The following R3HDM1 variants were observed in gnomAD, a reference collection of about 807,000 sequenced individuals.
The protein encoded by R3HDM1 is R3H domain-containing protein 1.
A neutral mutation model predicts 141.1 loss-of-function variants in R3HDM1; 46 were observed. That is an observed-to-expected ratio of 0.33 (90% confidence interval 0.26 to 0.42). The LOEUF is 0.42. Among genes scored for constraint, R3HDM1 ranks in the 10% least tolerant of loss-of-function variants. The pLI is 1.00. For missense variants in R3HDM1, 1,184 were observed against 1,368.3 expected, an observed-to-expected ratio of 0.87 and a Z score of 2.12; for synonymous variants, 435 against 472.9, an observed-to-expected ratio of 0.92 and a Z score of 1.04.
At chr2:135,656,845 G>A (rs1458589466) in intron 18 of R3HDM1, among the ~76,000 whole-genome samples, 3 of 152,146 alleles carry the variant, frequency 2.0e-5, no homozygotes, top group African/African-American at 7.2e-5. Flanking sequence ...TGTAATCCCA[G>A]CACTTTGGGA....
chr2:135,617,138 A>G (rs1156296490), intron 5 of R3HDM1, among the ~76,000 whole-genome samples: 1 of 152,144 alleles, frequency 6.6e-6, no homozygotes, highest in Admixed American at 6.5e-5. Flanking sequence ...CCTGGCTAAC[A>G]CGGTGAAACC....
chr2:135,584,718 T>C (rs992357221), intron 1 of R3HDM1, among the ~76,000 whole-genome samples: 2 of 152,226 alleles, frequency 1.3e-5, no homozygotes, highest in Non-Finnish European at 2.9e-5. Context: ...TAATTCACAA[T>C]TACTTGAGTT....
chr2:135,598,386 C>T (rs1370985176), intron 1 of R3HDM1, among the ~76,000 whole-genome samples: 1 of 152,124 alleles, frequency 6.6e-6, no homozygotes, highest in East Asian at 1.9e-4. Flanking sequence ...ATACATAGCT[C>T]CTCTTCATGT....
chr2:135,558,859 A>T (rs1396247454), intron 1 of R3HDM1, among the ~76,000 whole-genome samples: 1 of 152,166 alleles, frequency 6.6e-6, no homozygotes, highest in Non-Finnish European at 1.5e-5. Context: ...AGGTGGTTAA[A>T]TGTGTTTTTA....
At chr2:135,626,387 A>G (rs1458928118) in intron 7 of R3HDM1, among the ~76,000 whole-genome samples, 1 of 152,220 alleles carries the variant, frequency 6.6e-6, no homozygotes, top group Non-Finnish European at 1.5e-5. Flanking sequence ...TGTTAGATTC[A>G]GAAGTTAGAA....
intron 21 of R3HDM1, among the ~76,000 whole-genome samples, chr2:135,697,890 C>T (rs1451429707): frequency 6.6e-6 from 1 of 151,616 alleles, no homozygotes; most frequent in African/African-American, 2.4e-5. Context: ...CCCATCTCTA[C>T]CAAAAACAAA....
chr2:135,683,553 C>G lies in R3HDM1; in HGVS notation c.2459+3229C>G, dbSNP rs1417665756. On this transcript the variant is annotated intron_variant, in intron 21 of 26. Coordinates refer to ENST00000683871, the MANE Select transcript of R3HDM1 (RefSeq NM_001378107.1). ...TGGGCAGCAGAGTAAGAACCTATCT[C>G]AAAAAAAAAAAAAAAAAAATTCATT... Among the ~76,000 whole-genome samples the G allele has an allele frequency of 7.9e-3, 340 of 42,826 alleles. 2 individuals are homozygous for G. The highest frequency in any genetic ancestry group is 0.038 in the African/African-American group (310 of 8,082). The allele number at this position is 42,826 out of a possible 152,430, so 28.1% of individuals were successfully genotyped here. A position where few individuals can be genotyped will look rare whatever the true frequency, so the allele number is the denominator to read the frequency against.
At chr2:135,686,972 G>A (rs112046827) in intron 21 of R3HDM1, among the ~76,000 whole-genome samples, 10,160 of 152,250 alleles carry the variant, frequency 0.067, 662 homozygotes, top group African/African-American at 0.17. Context: ...GCCAAGGCAG[G>A]TGGATCACCT....
At chr2:135,554,329 T>A (rs1264034023) in intron 1 of R3HDM1, among the ~76,000 whole-genome samples, 1 of 152,242 alleles carries the variant, frequency 6.6e-6, no homozygotes, top group Non-Finnish European at 1.5e-5. Context: ...TTCATCCATG[T>A]TGTAGCATGA....
chr2:135,568,370 G>C (rs1398140240), intron 1 of R3HDM1, among the ~76,000 whole-genome samples: 1 of 147,594 alleles, frequency 6.8e-6, no homozygotes, highest in African/African-American at 2.5e-5. Flanking sequence ...TTTGTTTGAG[G>C]CGGAGTTTTG....
chr2:135,533,527 C>G (rs532289829), intron 1 of R3HDM1, among the ~76,000 whole-genome samples: 9 of 152,182 alleles, frequency 5.9e-5, no homozygotes, highest in Non-Finnish European at 1.2e-4. Flanking sequence ...GTTCGGTTTC[C>G]TCATCTGTAA....
intron 1 of R3HDM1, among the ~76,000 whole-genome samples, chr2:135,543,703 A>G (rs1258161347): frequency 6.6e-6 from 1 of 152,210 alleles, no homozygotes; most frequent in Non-Finnish European, 1.5e-5. Flanking sequence ...TTGTTTTAAC[A>G]TTTTTGCAAA....
At chr2:135,712,293 TGGCTCTGTTACCTA>T (rs1194204806) in intron 23 of R3HDM1, among the ~76,000 whole-genome samples, 1 of 152,164 alleles carries the variant, frequency 6.6e-6, no homozygotes. Context: ...AGACAGGGTC[TGGCTCTGTTACCTA>T]GGCTGGAGTG....
chr2:135,664,548 C>T (rs1265194383), intron 19 of R3HDM1, among the ~76,000 whole-genome samples: 1 of 152,102 alleles, frequency 6.6e-6, no homozygotes, highest in Admixed American at 6.5e-5. Context: ...AGGGTATGGG[C>T]AGTAGAAATA....
chr2:135,639,384 A>G (rs1410761057), intron 14 of R3HDM1, among the ~76,000 whole-genome samples: 2 of 152,222 alleles, frequency 1.3e-5, no homozygotes, highest in East Asian at 1.9e-4. Flanking sequence ...GGTAGGTTCA[A>G]TGAAACATTA....
chr2:135,641,807 A>G lies in R3HDM1; in HGVS notation c.1474+17A>G, dbSNP rs2063814837. ...CACAAACAGGTTGGTATCCAGAAAA[A>G]GGTGTTTCAGGAATTATCTGAAAAT... On this transcript the variant is annotated intron_variant, in intron 15 of 26. Transcript: ENST00000683871. 1 of 1,573,450 alleles carries G rather than the reference A, an allele frequency of 6.4e-7. No homozygotes were observed. The highest frequency in any genetic ancestry group is 8.6e-7 in the Non-Finnish European group (1 of 1,162,896).
chr2:135,607,707 G>T (rs1381342618), intron 3 of R3HDM1: 1 of 310,520 alleles, frequency 3.2e-6, no homozygotes, highest in African/African-American at 2.3e-5. Flanking sequence ...TTGGGTTATT[G>T]CATTTCCTAC....
intron 21 of R3HDM1, among the ~76,000 whole-genome samples, chr2:135,708,432 A>G (rs1433726128): frequency 6.6e-6 from 1 of 152,192 alleles, no homozygotes; most frequent in Non-Finnish European, 1.5e-5. Flanking sequence ...GTTTAATGCA[A>G]TTATACGAGA....
chr2:135,631,234 A>T (rs1357869090), intron 7 of R3HDM1, among the ~76,000 whole-genome samples: 1 of 152,156 alleles, frequency 6.6e-6, no homozygotes, highest in Non-Finnish European at 1.5e-5. Context: ...GCATGATAAC[A>T]AAGTCCTGAG....
Sources: allele counts gnomAD v4.1 joint callset (sites outside exome capture counted in the v4.1 genomes callset), GRCh38; gene constraint gnomAD v4.1.1; transcripts MANE v1.5; gene names NCBI Gene and HGNC (gene_info 2026-07-23, HGNC 2026-07-21).